Variants in TBC1D31 observed in about 807,000 individuals in gnomAD.
The protein encoded by TBC1D31 is WD repeat domain 67.
TBC1D31 carries 99 observed loss-of-function variants against 132.9 expected under a neutral mutation model. The ratio of observed to expected loss-of-function variants is 0.74; its 90% CI spans 0.63 to 0.88. The LOEUF is 0.88. TBC1D31 is among the 40% of genes least tolerant of loss of function. TBC1D31 has a pLI of 0.00. For synonymous variants in TBC1D31, 385 were observed against 419.4 expected, an observed-to-expected ratio of 0.92 and a Z score of 1.00; for missense variants, 1,134 against 1,256.6, an observed-to-expected ratio of 0.90 and a Z score of 1.48.
chr8:123,134,138 G>A lies in TBC1D31; in HGVS notation c.2431G>A (p.Ala811Thr), dbSNP rs144947635. 3 of 1,613,782 alleles carry A rather than the reference G, an allele frequency of 1.9e-6. No individual in the cohort carries two copies. The highest frequency in any genetic ancestry group is 2.5e-6 in the Non-Finnish European group (3 of 1,179,890). ...RKVYMRDREI[A>T]ATARDLEMRQ... ...GGTATATATGAGAGATCGAGAAATTGCTGCCACAGCCAGAGACCTAGAAAT... is the reference window on the plus strand; with the variant it reads ...GGTATATATGAGAGATCGAGAAATTACTGCCACAGCCAGAGACCTAGAAAT... The change falls in exon 17 of 22, where the codon GCT (alanine) becomes ACT (threonine). Residue 811 changes from alanine (A) to threonine (T), a missense_variant. Coordinates refer to ENST00000287380, the MANE Select transcript of TBC1D31 (RefSeq NM_145647.4).
the TBC1D31 span, among the ~76,000 whole-genome samples, chr8:123,163,320 T>A: frequency 7.9e-5 from 12 of 151,590 alleles, no homozygotes; most frequent in African/African-American, 9.7e-5. Context: ...CTATTTTTTT[T>A]AAATTGTGGT....
In TBC1D31 at chr8:123,128,322, G is replaced by T; in HGVS notation, c.1926G>T (p.Val642=). 1 of 1,612,108 alleles carries T rather than the reference G, an allele frequency of 6.2e-7. No homozygotes were observed. Among genetic ancestry groups the T allele is most frequent in the Non-Finnish European group, 8.5e-7 (1 of 1,178,590 alleles). ...GGAATAACCTGGATATAAATGTTGT[G>T]ATTAGACAAGTTTATCATCTCATGG... ...HHRNNLDINV[V]IRQVYHLMET... The change falls in exon 14 of 22, where the codon GTG becomes GTT. Residue 642 remains valine (V), a synonymous_variant. Coordinates refer to ENST00000287380, the MANE Select transcript of TBC1D31 (RefSeq NM_145647.4).
intron 6 of TBC1D31, among the ~76,000 whole-genome samples, chr8:123,098,013 T>A (rs1313225980): frequency 6.6e-6 from 1 of 152,220 alleles, no homozygotes; most frequent in Non-Finnish European, 1.5e-5. Context: ...CTTAACTTTC[T>A]TGTTTCAAAT....
intron 6 of TBC1D31, among the ~76,000 whole-genome samples, chr8:123,099,788 T>C (rs751674043): frequency 2.6e-5 from 4 of 152,130 alleles, no homozygotes; most frequent in Non-Finnish European, 4.4e-5. Context: ...TTATAAACAA[T>C]GTAAGTTTAT....
At chr8:123,126,399 G>A in intron 12 of TBC1D31, 109 bp from the exon 13 acceptor site, 1 of 1,182,930 alleles carries the variant, frequency 8.5e-7, no homozygotes, top group Admixed American at 2.7e-5. Flanking sequence ...TCATAATTAT[G>A]TATTTAATAT....
intron 7 of TBC1D31, among the ~76,000 whole-genome samples, chr8:123,104,701 C>T (rs2130450179): frequency 6.6e-6 from 1 of 152,080 alleles, no homozygotes; most frequent in South Asian, 2.1e-4. Flanking sequence ...GTTTGATGGG[C>T]CCCATAAAAA....
intron 18 of TBC1D31, among the ~76,000 whole-genome samples, chr8:123,141,399 T>C (rs766628907): frequency 4.6e-5 from 7 of 152,226 alleles, no homozygotes; most frequent in Non-Finnish European, 1.0e-4. Context: ...GTATTGGAAA[T>C]GCTGTCTTAA....
At chr8:123,141,415 G>A (rs929711501) in intron 18 of TBC1D31, among the ~76,000 whole-genome samples, 25 of 102,868 alleles carry the variant, frequency 2.4e-4, no homozygotes, top group Non-Finnish European at 6.3e-5. Context: ...CTTAAAGTGA[G>A]GTATTTTTCA....
intron 21 of TBC1D31, among the ~76,000 whole-genome samples, chr8:123,150,930 TAC>T (rs1822714445): frequency 6.6e-6 from 1 of 152,228 alleles, no homozygotes; most frequent in African/African-American, 2.4e-5. Context: ...CAAACTTTTA[TAC>T]AATGTCCCAA....
intron 8 of TBC1D31, among the ~76,000 whole-genome samples, chr8:123,107,103 G>A (rs10956119): frequency 0.067 from 10,220 of 152,196 alleles, 405 homozygotes; most frequent in Admixed American, 0.11. Flanking sequence ...GAAGGAAGGC[G>A]GGCATTAAGC....
intron 6 of TBC1D31, among the ~76,000 whole-genome samples, chr8:123,099,415 C>A (rs927862499): frequency 1.3e-5 from 2 of 152,160 alleles, no homozygotes; most frequent in African/African-American, 4.8e-5. Context: ...CCACCATGCC[C>A]AGCCTTTATT....
At chr8:123,132,950 G>A (rs1286590615) in intron 16 of TBC1D31, among the ~76,000 whole-genome samples, 3 of 152,106 alleles carry the variant, frequency 2.0e-5, no homozygotes, top group Admixed American at 2.0e-4. Flanking sequence ...ACAGGAGGAG[G>A]CATTTTTTGG....
At chr8:123,076,236 G>A (rs1814497286) in intron 1 of TBC1D31, among the ~76,000 whole-genome samples, 1 of 152,052 alleles carries the variant, frequency 6.6e-6, no homozygotes, top group African/African-American at 2.4e-5. Flanking sequence ...GAGTAACTGG[G>A]ATCACAGGCA....
chr8:123,123,009 T>G (rs1343494942), intron 11 of TBC1D31: 1 of 152,260 alleles, frequency 6.6e-6, no homozygotes, highest in Non-Finnish European at 1.5e-5. Context: ...GACTCCTGCT[T>G]TCACGGCCAT....
rs1413034741 is a variant in TBC1D31, at chr8:123,151,836, A to G, written c.3098A>G (p.Asp1033Gly). The G allele has an allele frequency of 1.3e-6, 2 of 1,574,584 alleles. No individual in the cohort carries two copies. Among genetic ancestry groups the G allele is most frequent in the Admixed American group, 4.2e-5 (2 of 48,002 alleles). The change falls in exon 22 of 22, where the codon GAC becomes GGC. Residue 1033 changes from aspartate (D) to glycine (G), a missense_variant. Asp to Gly is a moderately conservative substitution (Grantham distance 94). Coordinates refer to ENST00000287380, the MANE Select transcript of TBC1D31 (RefSeq NM_145647.4). ...ISLNRRAVEW[D>G]TTGQNLIKKV... ...TTAAATAGAAGAGCAGTAGAATGGG[A>G]CACCACGGGACAGAATCTTATTAAG...
At chr8:123,073,405 G>T (rs1314870663) in intron 1 of TBC1D31, 2 of 456,096 alleles carry the variant, frequency 4.4e-6, no homozygotes, top group African/African-American at 4.0e-5. Flanking sequence ...ACACACTTCC[G>T]GTTCTCTGGA....
intron 4 of TBC1D31, among the ~76,000 whole-genome samples, chr8:123,090,783 T>C (rs1269462989): frequency 1.3e-5 from 2 of 151,984 alleles, no homozygotes; most frequent in Non-Finnish European, 2.9e-5. Context: ...AAACCCCATC[T>C]CTACTAAAAT....
chr8:123,094,059 ATTTCT>A (rs553340284), intron 5 of TBC1D31, among the ~76,000 whole-genome samples: 81 of 150,444 alleles, frequency 5.4e-4, no homozygotes, highest in Non-Finnish European at 9.2e-4. Flanking sequence ...ACGAATGGCC[ATTTCT>A]TTTCTTTTCT....
Position 123,076,340 on chromosome 8 carries a change from G to GTA in TBC1D31, c.78-770_78-769insAT, listed in dbSNP as rs1255328149. Among the ~76,000 whole-genome samples, 4 of 20,614 alleles carry GTA rather than the reference G, an allele frequency of 1.9e-4. No individual in the cohort carries two copies. In the East Asian group the frequency reaches 4.0e-3, roughly 21 times the overall value. 13.5% of individuals were successfully genotyped at this position (20,614 alleles called of 152,430 possible). A position where few individuals can be genotyped will look rare whatever the true frequency, so the allele number is the denominator to read the frequency against. On this transcript the variant is annotated intron_variant, in intron 1 of 21. Coordinates refer to ENST00000287380, the MANE Select transcript of TBC1D31 (RefSeq NM_145647.4). ...TATTTTTTCTTTTAATTGTGTGTATGTGTGTGTGTGTGTGTGTGTGTGTGT... is the reference window on the plus strand; with the variant it reads ...TATTTTTTCTTTTAATTGTGTGTATGTATGTGTGTGTGTGTGTGTGTGTGTGT...
Sources: allele counts gnomAD v4.1 joint callset (sites outside exome capture counted in the v4.1 genomes callset), GRCh38; gene constraint gnomAD v4.1.1; transcripts MANE v1.5; gene names NCBI Gene and HGNC (gene_info 2026-07-23, HGNC 2026-07-21).